Variants in CREBBP observed in about 807,000 individuals in gnomAD.
CREBBP encodes CREB binding lysine acetyltransferase.
CREBBP carries 19 observed loss-of-function variants against 265.0 expected under a neutral mutation model. The observed-to-expected ratio is 0.07, with a 90% CI of 0.05 to 0.11. The LOEUF (loss-of-function observed/expected upper bound fraction) is 0.11. CREBBP is among the 10% of genes least tolerant of loss of function. The pLI, the probability that CREBBP is intolerant of heterozygous loss-of-function variation, is 1.00. For synonymous variants in CREBBP, 1,457 were observed against 1,223.7 expected (o/e 1.19, Z -3.98); for missense variants, 2,525 against 3,219.0 (o/e 0.78, Z 5.22).
chr16:3,761,762 G>A (rs934287323), intron 16 of CREBBP, among the ~76,000 whole-genome samples: 1 of 152,236 alleles, frequency 6.6e-6, no homozygotes, highest in Non-Finnish European at 1.5e-5. Context: ...AGTGGGAAGC[G>A]TCGGAAACAC....
chr16:3,781,025 G>A, intron 7 of CREBBP, 147 bp from the exon 8 acceptor site: 5 of 1,124,780 alleles, frequency 4.4e-6, no homozygotes, highest in Non-Finnish European at 3.9e-6. Context: ...CTTAAACTAT[G>A]TTTTAATCTA....
chr16:3,861,973 C>T (rs925145300), intron 1 of CREBBP, among the ~76,000 whole-genome samples: 1 of 152,100 alleles, frequency 6.6e-6, no homozygotes, highest in Non-Finnish European at 1.5e-5. Context: ...AGAGCTCGGC[C>T]GGCAGCCCCC....
chr16:3,842,275 C>T (rs555228497), intron 2 of CREBBP, among the ~76,000 whole-genome samples: 6 of 152,264 alleles, frequency 3.9e-5, no homozygotes, highest in African/African-American at 1.2e-4. Context: ...CCCCTTGACC[C>T]GAAATTACAC....
Position 3,736,004 on chromosome 16 carries a change from G to T in CREBBP, c.4728+32C>A, listed in dbSNP as rs781621922. On this transcript the variant is annotated intron_variant, in intron 28 of 30. Transcript: ENST00000262367. The stretch of plus-strand genomic sequence containing the variant: ...CCACCCTGCAGCTCCAGCGGGACAC[G>T]TGGGCAATGGAGCTCAGAGAAGGGT... 1.9e-6 allele frequency: 3 copies of T among 1,614,140 alleles called. No individual in the cohort carries two copies. In the Admixed American group the frequency reaches 5.0e-5, roughly 27 times the overall value.
chr16:3,772,019 A>G (rs1195734199), intron 13 of CREBBP, among the ~76,000 whole-genome samples: 9 of 151,878 alleles, frequency 5.9e-5, no homozygotes, highest in Admixed American at 5.9e-4. Flanking sequence ...AGAATTTCCC[A>G]TTTAATATTT....
intron 12 of CREBBP, among the ~76,000 whole-genome samples, chr16:3,774,359 T>C (rs533944473): frequency 2.0e-5 from 3 of 152,322 alleles, no homozygotes; most frequent in African/African-American, 7.2e-5. Context: ...CACATTCCTA[T>C]GAATTTGTTA....
chr16:3,733,147 G>C (rs1346072112), intron 28 of CREBBP, among the ~76,000 whole-genome samples: 1 of 152,004 alleles, frequency 6.6e-6, no homozygotes, highest in African/African-American at 2.4e-5. Flanking sequence ...CGGATCTCGA[G>C]GTCAGGAAAT....
At chr16:3,775,323 C>A (rs1425987807) in intron 11 of CREBBP, among the ~76,000 whole-genome samples, 1 of 152,176 alleles carries the variant, frequency 6.6e-6, no homozygotes, top group Admixed American at 6.5e-5. Flanking sequence ...ACAGGAACAC[C>A]ACATCACTGA....
chr16:3,878,506 T>C (rs1235436685), intron 1 of CREBBP, among the ~76,000 whole-genome samples: 1 of 152,234 alleles, frequency 6.6e-6, no homozygotes, highest in East Asian at 1.9e-4. Flanking sequence ...ACATTAATAT[T>C]AAACGTCGCT....
chr16:3,818,899 C>A (rs553964273), intron 2 of CREBBP, among the ~76,000 whole-genome samples: 1 of 152,346 alleles, frequency 6.6e-6, no homozygotes, highest in Non-Finnish European at 1.5e-5. Context: ...CCGGAAAGGG[C>A]AGGGACACAC....
chr16:3,849,446 T>C (rs1567360595), intron 2 of CREBBP, among the ~76,000 whole-genome samples: 4 of 33,686 alleles, frequency 1.2e-4, no homozygotes, highest in African/African-American at 1.8e-4. Flanking sequence ...TGTGTGTGTG[T>C]GTGTGTGTGT....
At chr16:3,825,919 G>A (rs375885355) in intron 2 of CREBBP, among the ~76,000 whole-genome samples, 2 of 152,324 alleles carry the variant, frequency 1.3e-5, no homozygotes, top group South Asian at 2.1e-4. Flanking sequence ...TTTTAATACT[G>A]TTCTTAAAAA....
At chr16:3,779,033 G>A (rs2053211944) in intron 8 of CREBBP, among the ~76,000 whole-genome samples, 1 of 151,986 alleles carries the variant, frequency 6.6e-6, no homozygotes, top group African/African-American at 2.4e-5. Context: ...TGGGCATGGT[G>A]GTGGATGCCT....
rs2151296056 is a variant in CREBBP, at chr16:3,726,798, A to G, written c.*920T>C. On this transcript the variant is annotated 3_prime_UTR_variant, in exon 31 of 31. Transcript: ENST00000262367. ...CTAAGTGTTAATACCATGTACATGA[A>G]TTCAAGAAGGACCACCCTTTTTGTC... 1 of 233,612 alleles carries G rather than the reference A, an allele frequency of 4.3e-6. No homozygotes were observed. Among genetic ancestry groups the G allele is most frequent in the Non-Finnish European group, 8.5e-6 (1 of 118,026 alleles). 14.5% of individuals were successfully genotyped at this position (233,612 alleles called of 1,614,324 possible). A position where few individuals can be genotyped will look rare whatever the true frequency, so the allele number is the denominator to read the frequency against.
intron 3 of CREBBP, among the ~76,000 whole-genome samples, chr16:3,808,545 T>A (rs1333993030): frequency 1.3e-5 from 2 of 152,238 alleles, no homozygotes; most frequent in African/African-American, 4.8e-5. Flanking sequence ...GCAGCCTCTT[T>A]GCAGTCCCGG....
chr16:3,806,976 A>G (rs977666545), intron 3 of CREBBP, among the ~76,000 whole-genome samples: 1 of 152,112 alleles, frequency 6.6e-6, no homozygotes, highest in Non-Finnish European at 1.5e-5. Context: ...GGCTCCATCT[A>G]AAGAGGTCCC....
intron 2 of CREBBP, among the ~76,000 whole-genome samples, chr16:3,848,543 T>C (rs967277615): frequency 2.0e-5 from 3 of 152,164 alleles, no homozygotes; most frequent in African/African-American, 2.4e-5. Flanking sequence ...CTATTTAATA[T>C]AGTAAATATT....
chr16:3,846,082 C>G (rs896686873), intron 2 of CREBBP, among the ~76,000 whole-genome samples: 1 of 152,028 alleles, frequency 6.6e-6, no homozygotes, highest in African/African-American at 2.4e-5. Context: ...ACCTATGTGA[C>G]CATATTCCTG....
chr16:3,830,921 T>C (rs1211302849), intron 2 of CREBBP, among the ~76,000 whole-genome samples: 2 of 152,162 alleles, frequency 1.3e-5, no homozygotes, highest in African/African-American at 4.8e-5. Context: ...CAGCTGCAAC[T>C]ACAGAAGCGC....
Sources: allele counts gnomAD v4.1 joint callset (sites outside exome capture counted in the v4.1 genomes callset), GRCh38; gene constraint gnomAD v4.1.1; transcripts MANE v1.5; gene names NCBI Gene and HGNC (gene_info 2026-07-23, HGNC 2026-07-21).